The following TAF5L variants were observed in gnomAD, a reference collection of about 807,000 sequenced individuals.
TAF5L encodes the protein TAF5-like RNA polymerase II p300/CBP-associated factor-associated factor 65 kDa subunit 5L.
Under a neutral mutation model 51.3 loss-of-function variants are expected in TAF5L, and 7 were observed. The ratio of observed to expected loss-of-function variants is 0.14; its 90% CI spans 0.08 to 0.26. The LOEUF (loss-of-function observed/expected upper bound fraction) is 0.26, where lower values mean the gene tolerates loss of function less well. TAF5L is among the 10% of genes least tolerant of loss of function. TAF5L has a pLI of 1.00. For missense variants in TAF5L, 575 were observed against 758.9 expected (o/e 0.76, Z 2.85); for synonymous variants, 291 against 308.1 (o/e 0.94, Z 0.58).
At chr1:229,599,869 A>T (rs1269420562) in intron 4 of TAF5L, 2 of 985,348 alleles carry the variant, frequency 2.0e-6, no homozygotes, top group East Asian at 2.3e-4. Context: ...TTTATGTAAT[A>T]GTTATTGCTT....
intron 2 of TAF5L, among the ~76,000 whole-genome samples, chr1:229,611,868 A>G (rs538074697): frequency 6.6e-6 from 1 of 152,032 alleles, no homozygotes; most frequent in Admixed American, 6.6e-5. Flanking sequence ...AACTCAGCTC[A>G]CTCTTTCAAC....
At chr1:229,604,263 A>G (rs958725164) in intron 3 of TAF5L, among the ~76,000 whole-genome samples, 1 of 151,994 alleles carries the variant, frequency 6.6e-6, no homozygotes, top group African/African-American at 2.4e-5. Context: ...ATTTGATGAT[A>G]AAAGATATCT....
chr1:229,603,789 T>C (rs538019869), intron 3 of TAF5L, among the ~76,000 whole-genome samples: 17 of 152,224 alleles, frequency 1.1e-4, no homozygotes, highest in South Asian at 2.1e-4. Context: ...AGAGGTATAA[T>C]TGACACCTAA....
intron 1 of TAF5L, among the ~76,000 whole-genome samples, chr1:229,621,435 T>G (rs1232655879): frequency 6.6e-6 from 1 of 152,240 alleles, no homozygotes; most frequent in Non-Finnish European, 1.5e-5. Context: ...ACTGGGAGGA[T>G]ATCTTCTTTG....
chr1:229,601,837 C>T (rs888952433), intron 4 of TAF5L: 22 of 1,037,550 alleles, frequency 2.1e-5, no homozygotes, highest in African/African-American at 3.4e-5. Flanking sequence ...ATCCTACTAC[C>T]GATTATTTGT....
At chr1:229,623,398 C>T in intron 1 of TAF5L, among the ~76,000 whole-genome samples, 1 of 152,220 alleles carries the variant, frequency 6.6e-6, no homozygotes, top group East Asian at 1.9e-4. Context: ...CCTCACTGGA[C>T]CAATCCTTGG....
chr1:229,611,381 C>T (rs929769146), intron 2 of TAF5L, among the ~76,000 whole-genome samples: 1 of 152,140 alleles, frequency 6.6e-6, no homozygotes, highest in African/African-American at 2.4e-5. Flanking sequence ...CCTTTAACCG[C>T]GTCCTGAATG....
At chr1:229,622,852 T>C (rs1665265769) in intron 1 of TAF5L, among the ~76,000 whole-genome samples, 1 of 152,192 alleles carries the variant, frequency 6.6e-6, no homozygotes, top group East Asian at 1.9e-4. Flanking sequence ...TGTGCTCAAG[T>C]GATCCTCCGA....
chr1:229,624,841 GA>G (rs1486410138), intron 1 of TAF5L, among the ~76,000 whole-genome samples: 1 of 152,118 alleles, frequency 6.6e-6, no homozygotes, highest in Non-Finnish European at 1.5e-5. Context: ...CTGTGACCAG[GA>G]ACTGGGGCAC....
intron 4 of TAF5L, chr1:229,601,542 A>G (rs972435100): frequency 5.2e-5 from 51 of 985,464 alleles, no homozygotes; most frequent in Admixed American, 6.1e-5. Context: ...ACTGTCCTAA[A>G]CGGTTACAAG....
intron 1 of TAF5L, among the ~76,000 whole-genome samples, chr1:229,622,480 G>A (rs1665247734): frequency 6.6e-6 from 1 of 152,084 alleles, no homozygotes; most frequent in Non-Finnish European, 1.5e-5. Context: ...TGTAAGTGCT[G>A]TCTAAGCTTT....
chr1:229,593,239 A>G (rs1308011298), exon 5 of TAF5L: 2 of 152,232 alleles, frequency 1.3e-5, no homozygotes, highest in African/African-American at 2.4e-5. Context: ...ATAGTTTGAT[A>G]TGCGTGCGTA....
rs771115838 is a variant in TAF5L at position 229,602,923 on chromosome 1, T to A, written c.248-4A>T. The A allele has an allele frequency of 3.9e-5, 62 of 1,579,272 alleles. No homozygotes were observed. Among genetic ancestry groups the A allele is most frequent in the Non-Finnish European group, 4.9e-5 (57 of 1,170,972 alleles). ...TGGCTATGCTGGGAATCAGAATCTA[T>A]AATGAAAGAAAAAGAAGGCTTTATA... On this transcript the variant is annotated splice_polypyrimidine_tract_variant and splice_region_variant and intron_variant, in intron 3 of 4. Coordinates refer to ENST00000258281, the Ensembl canonical transcript of TAF5L. The surrounding 1 kb of genome is among the most constrained non-coding windows in gnomAD (Gnocchi z 4.6).
intron 3 of TAF5L, chr1:229,607,465 T>A: frequency 1.0e-6 from 1 of 985,428 alleles, no homozygotes; most frequent in Non-Finnish European, 1.2e-6. Flanking sequence ...CAAGCCTGCC[T>A]TTTTGCTCAT....
At chr1:229,611,895 A>T (rs1664805562) in intron 2 of TAF5L, among the ~76,000 whole-genome samples, 1 of 152,084 alleles carries the variant, frequency 6.6e-6, no homozygotes, top group Non-Finnish European at 1.5e-5. Context: ...GTGACCCCCA[A>T]CTATATGTCA....
chr1:229,621,828 TA>T (rs779384658), intron 1 of TAF5L, among the ~76,000 whole-genome samples: 1 of 152,208 alleles, frequency 6.6e-6, no homozygotes, highest in Non-Finnish European at 1.5e-5. Flanking sequence ...ATGAATATCT[TA>T]AACACCAGTG....
At chr1:229,615,072 T>C (rs1041185008) in intron 1 of TAF5L, among the ~76,000 whole-genome samples, 4 of 152,200 alleles carry the variant, frequency 2.6e-5, no homozygotes, top group Admixed American at 6.5e-5. Context: ...TGTTTTCATT[T>C]TATTTTATTT....
At position 229,600,691 on chromosome 1, in the gene TAF5L, G is replaced by A. The variant is rs182315627; in HGVS notation, c.972+1504C>T. On this transcript the variant is annotated intron_variant, in intron 4 of 4. Coordinates refer to ENST00000258281, the Ensembl canonical transcript of TAF5L. Reference sequence around the variant, plus strand: ...AATTTCTTTCAGTTCCTGGAATTCCGCATGCGGTTCCTCACTTCTGAGTCT... The same window carrying A: ...AATTTCTTTCAGTTCCTGGAATTCCACATGCGGTTCCTCACTTCTGAGTCT... The A allele has an allele frequency of 7.5e-5, 74 of 985,318 alleles. No homozygotes were observed. In the Admixed American group the frequency reaches 2.4e-3, roughly 32 times the overall value. 61.0% of individuals were successfully genotyped at this position (985,318 alleles called of 1,614,324 possible). A position where few individuals can be genotyped will look rare whatever the true frequency, so the allele number is the denominator to read the frequency against.
intron 4 of TAF5L, among the ~76,000 whole-genome samples, chr1:229,595,930 G>A (rs1448538559): frequency 6.6e-6 from 1 of 152,168 alleles, no homozygotes; most frequent in African/African-American, 2.4e-5. Flanking sequence ...CTCCCAAAGT[G>A]CTGGAATTAT....
Sources: gnomAD v4.1 joint callset for allele counts (sites outside exome capture counted in the v4.1 genomes callset) on GRCh38, gnomAD v4.1.1 for gene constraint, Gnocchi (gnomAD v3.1) non-coding constraint, MANE v1.5 for transcripts, NCBI Gene and HGNC (gene_info 2026-07-23, HGNC 2026-07-21) for gene names.